Variants in COX15 observed in about 807,000 individuals in gnomAD.
COX15 encodes heme A synthase COX15.
COX15 carries 51 observed loss-of-function variants against 51.9 expected under a neutral mutation model. The observed-to-expected ratio is 0.98, with a 90% confidence interval of 0.78 to 1.24. COX15 has a LOEUF of 1.24. Ranked by LOEUF, COX15 falls within the 50% of genes most tolerant of loss-of-function variation. The probability of loss-of-function intolerance (pLI) is 0.00; values close to 1 mark genes in which losing one functional copy is unlikely to be tolerated. For missense variants in COX15, 420 were observed against 501.1 expected (o/e 0.84, Z 1.55); for synonymous variants, 188 against 190.5 (o/e 0.99, Z 0.11).
In COX15 at chr10:99,714,344, T is replaced by G; in HGVS notation, c.*243A>C. 7.7e-7 allele frequency: 1 copy of G among 1,297,812 alleles called. No individual in the cohort carries two copies. Among genetic ancestry groups the G allele is most frequent in the Non-Finnish European group, 9.9e-7 (1 of 1,014,474 alleles). The allele number at this position is 1,297,812 out of a possible 1,614,324, so 80.4% of individuals were successfully genotyped here. On this transcript the variant is annotated 3_prime_UTR_variant, in exon 9 of 9. Transcript: ENST00000016171. ...AAGCAGCAAATGGCAGACATTTCTT[T>G]CTCTACATTAAAACTGATTTTCAAC... is the stretch of plus-strand genomic sequence containing the variant.
the COX15 span, chr10:99,698,735 T>C: frequency 6.2e-7 from 1 of 1,614,214 alleles, no homozygotes; most frequent in Non-Finnish European, 8.5e-7. Context: ...ATGGCATATA[T>C]CAATCGCCTA....
rs897411508 is a variant in COX15, at chr10:99,711,768, T to C, written c.*2819A>G. 17 of 985,358 alleles carry C rather than the reference T, an allele frequency of 1.7e-5. No homozygotes were observed. Among genetic ancestry groups the C allele is most frequent in the Non-Finnish European group, 2.0e-5 (17 of 829,936 alleles). 61.0% of individuals were successfully genotyped at this position (985,358 alleles called of 1,614,324 possible). A position where few individuals can be genotyped will look rare whatever the true frequency, so the allele number is the denominator to read the frequency against. The stretch of plus-strand genomic sequence containing the variant: ...AAGCCCAGCCAGGGTCCAGCATTTA[T>C]GAAAAATTGACAAACTGTTTTGCTA... On this transcript the variant is annotated 3_prime_UTR_variant, in exon 9 of 9. Transcript: ENST00000016171.
chr10:99,706,736 T>C (rs2036261681), downstream of COX15, among the ~76,000 whole-genome samples: 2 of 152,242 alleles, frequency 1.3e-5, no homozygotes, highest in South Asian at 4.1e-4. Flanking sequence ...TTATTATCTG[T>C]GCTCCGTGAA....
intron 1 of COX15, among the ~76,000 whole-genome samples, chr10:99,731,095 T>TA (rs1182789224): frequency 7.9e-5 from 12 of 151,916 alleles, no homozygotes; most frequent in East Asian, 5.8e-4. Context: ...GATTTTTTTT[T>TA]AAAAAAAAGG....
chr10:99,712,813 TA>T lies in COX15; in HGVS notation c.*1773del. On this transcript the variant is annotated 3_prime_UTR_variant, in exon 9 of 9. Coordinates refer to ENST00000016171, the MANE Select transcript of COX15 (RefSeq NM_078470.6). ...ACCCTACTCTTGCCTTCTACAGAAC[TA>T]AAACTAACTTCCTGCAACTTTCATC... is the stretch of plus-strand genomic sequence containing the variant. 1 of 327,720 alleles carries T rather than the reference TA, an allele frequency of 3.1e-6. No homozygotes were observed. The highest frequency in any genetic ancestry group is 4.4e-6 in the Non-Finnish European group (1 of 226,544). The allele number at this position is 327,720 out of a possible 1,614,324, so 20.3% of individuals were successfully genotyped here. A position where few individuals can be genotyped will look rare whatever the true frequency, so the allele number is the denominator to read the frequency against.
At chr10:99,699,964 C>T in the COX15 span, among the ~76,000 whole-genome samples, 2 of 151,680 alleles carry the variant, frequency 1.3e-5, no homozygotes, top group Admixed American at 1.3e-4. Flanking sequence ...TAGTGTAAGG[C>T]TTCCAGCAAA....
chr10:99,704,576 C>A, the COX15 span: 1 of 1,614,212 alleles, frequency 6.2e-7, no homozygotes, highest in Non-Finnish European at 8.5e-7. Context: ...CCTATACCTT[C>A]TGCGGCTACG....
the COX15 span, among the ~76,000 whole-genome samples, chr10:99,694,760 C>T: frequency 6.6e-6 from 1 of 152,138 alleles, no homozygotes; most frequent in African/African-American, 2.4e-5. Context: ...TGGTCTCGAA[C>T]TCCTGGCCTC....
the COX15 span, among the ~76,000 whole-genome samples, chr10:99,700,154 C>T: frequency 6.6e-6 from 1 of 152,098 alleles, no homozygotes; most frequent in South Asian, 2.1e-4. Flanking sequence ...TCTCTTATCT[C>T]AAAACTTCTT....
chr10:99,709,209 ATTCT>A, downstream of COX15: 1 of 985,436 alleles, frequency 1.0e-6, no homozygotes, highest in Non-Finnish European at 1.2e-6. Flanking sequence ...CTTCGTTGTA[ATTCT>A]TGGGCAGTTT....
chr10:99,708,389 G>A (rs753520585), downstream of COX15, among the ~76,000 whole-genome samples: 36 of 152,196 alleles, frequency 2.4e-4, no homozygotes, highest in Non-Finnish European at 4.9e-4. Context: ...AAAGACAAGT[G>A]AGTGGTATCA....
intron 3 of COX15, 113 bp from the exon 4 acceptor site, chr10:99,727,267 C>A: frequency 1.4e-6 from 2 of 1,425,240 alleles, no homozygotes; most frequent in East Asian, 2.3e-5. Flanking sequence ...GTAGGTCTGC[C>A]CTCTTCCTCA....
Position 99,723,972 on chromosome 10 carries a change from A to T in COX15, c.734T>A (p.Leu245Gln). The change falls in exon 5 of 9, where the codon CTA becomes CAA. Residue 245 changes from leucine to glutamine, a missense_variant. By Grantham distance (113) the Leu-to-Gln change is moderately radical (BLOSUM62 -2). Coordinates refer to ENST00000016171, the MANE Select transcript of COX15 (RefSeq NM_078470.6). ...CASLWTSLSL[L>Q]LPPHKLPETH... ...AACTCTTACCTTGTGCGGAGGGAGTAGCAGTGACAGTGAGGTCCACAAGCT... is the reference window on the plus strand; with the variant it reads ...AACTCTTACCTTGTGCGGAGGGAGTTGCAGTGACAGTGAGGTCCACAAGCT... The T allele has an allele frequency of 6.2e-7, 1 of 1,613,986 alleles. No individual in the cohort carries two copies. Among genetic ancestry groups the T allele is most frequent in the Non-Finnish European group, 8.5e-7 (1 of 1,180,034 alleles).
At position 99,721,650 on chromosome 10, in the gene COX15, G is replaced by T. The variant is rs190090477; in HGVS notation, c.751-582C>A. On this transcript the variant is annotated intron_variant, in intron 5 of 8. Transcript: ENST00000016171. ...CAGGTGACTATGCCACCCTCAAATG[G>T]CTTACACTCTACTATATGAAAAGTT... 1.6e-3 allele frequency among the ~76,000 whole-genome samples: 250 copies of T among 152,082 alleles called. 3 individuals are homozygous for T. The highest frequency in any genetic ancestry group is 5.7e-3 in the African/African-American group (237 of 41,486).
At chr10:99,717,098 G>A (rs1413624402) in intron 7 of COX15, among the ~76,000 whole-genome samples, 3 of 152,046 alleles carry the variant, frequency 2.0e-5, no homozygotes, top group Non-Finnish European at 2.9e-5. Flanking sequence ...AATACTGTGC[G>A]CAGGTGGGGA....
At chr10:99,700,130 A>G in the COX15 span, among the ~76,000 whole-genome samples, 1 of 151,890 alleles carries the variant, frequency 6.6e-6, no homozygotes, top group Admixed American at 6.6e-5. Flanking sequence ...CTAACTATCC[A>G]TGGCCTGACT....
Position 99,714,734 on chromosome 10 carries a change from G to A in COX15, c.1102-16C>T. On this transcript the variant is annotated splice_polypyrimidine_tract_variant and intron_variant, in intron 8 of 8. Transcript: ENST00000016171. ...CCAAGCCCACCTGTCACAAAGGAAA[G>A]AAGGCAATAGGAAAGGCAGTAACCC... The A allele has an allele frequency of 6.2e-7, 1 of 1,612,390 alleles. No homozygotes were observed. The highest frequency in any genetic ancestry group is 8.5e-7 in the Non-Finnish European group (1 of 1,179,986).
the COX15 span, chr10:99,695,836 AT>A: frequency 2.7e-5 from 24 of 890,398 alleles, no homozygotes; most frequent in East Asian, 6.7e-4. Context: ...GGATGAAAGA[AT>A]GCTTAAGATG....
At chr10:99,694,351 C>CGTG in the COX15 span, among the ~76,000 whole-genome samples, 1 of 152,148 alleles carries the variant, frequency 6.6e-6, no homozygotes, top group Admixed American at 6.5e-5. Context: ...TCAGCCATCT[C>CGTG]GTGGTATGGG....
Sources: allele counts gnomAD v4.1 joint callset (sites outside exome capture counted in the v4.1 genomes callset), GRCh38; gene constraint gnomAD v4.1.1; transcripts MANE v1.5; gene names NCBI Gene and HGNC (gene_info 2026-07-23, HGNC 2026-07-21).